The following PTPRM variants were observed in gnomAD, a reference collection of about 807,000 sequenced individuals.
PTPRM encodes receptor-type tyrosine-protein phosphatase mu.
In PTPRM, 47 loss-of-function variants were observed where a neutral mutation model predicts 186.7. The observed-to-expected ratio is 0.25, with a 90% CI of 0.20 to 0.32. PTPRM has a LOEUF of 0.32. Ranked by LOEUF, PTPRM falls within the 10% of genes least tolerant of loss-of-function variation. PTPRM has a pLI of 1.00. For synonymous variants in PTPRM, 668 were observed against 674.9 expected (o/e 0.99, Z 0.16); for missense variants, 1,494 against 1,865.0 (o/e 0.80, Z 3.66).
At chr18:7,947,068 C>T in intron 5 of PTPRM, 1 of 453,258 alleles carries the variant, frequency 2.2e-6, no homozygotes, top group Non-Finnish European at 4.4e-6. Flanking sequence ...TTATTCTGTG[C>T]TTCAGGATTA....
intron 2 of PTPRM, among the ~76,000 whole-genome samples, chr18:7,790,909 TAAAA>T (rs548803611): frequency 1.4e-5 from 2 of 147,368 alleles, no homozygotes; most frequent in Non-Finnish European, 3.0e-5. Flanking sequence ...AAGTTGGTTT[TAAAA>T]AAAAAAACAC....
At chr18:7,920,585 G>C (rs1258469195) in intron 4 of PTPRM, among the ~76,000 whole-genome samples, 3 of 152,074 alleles carry the variant, frequency 2.0e-5, no homozygotes, top group African/African-American at 7.2e-5. Flanking sequence ...TACTGTTTTT[G>C]ATAGATTTGT....
chr18:8,198,016 C>T (rs901384219), intron 14 of PTPRM, among the ~76,000 whole-genome samples: 34 of 152,166 alleles, frequency 2.2e-4, no homozygotes, highest in African/African-American at 8.0e-4. Context: ...CTTGCTCTCT[C>T]CCACCTTCTT....
At chr18:7,587,362 A>T (rs1404821684) in intron 1 of PTPRM, among the ~76,000 whole-genome samples, 1 of 151,858 alleles carries the variant, frequency 6.6e-6, no homozygotes, top group Non-Finnish European at 1.5e-5. Context: ...GATGGATAGG[A>T]TTAGCCACTT....
intron 1 of PTPRM, among the ~76,000 whole-genome samples, chr18:7,606,908 G>A (rs1279027581): frequency 6.6e-6 from 1 of 152,066 alleles, no homozygotes; most frequent in Admixed American, 6.5e-5. Flanking sequence ...TCTTGGCCAT[G>A]GATTTTCTAC....
intron 6 of PTPRM, among the ~76,000 whole-genome samples, chr18:7,950,319 A>G (rs974137065): frequency 1.3e-4 from 20 of 152,144 alleles, no homozygotes; most frequent in African/African-American, 4.8e-4. Flanking sequence ...TGGGAGGATT[A>G]CCTGAGTCCA....
chr18:8,009,184 C>T (rs772186339), intron 7 of PTPRM, among the ~76,000 whole-genome samples: 12 of 152,088 alleles, frequency 7.9e-5, no homozygotes, highest in Non-Finnish European at 1.5e-4. Flanking sequence ...ATTAACAGTG[C>T]TGTATGTAAG....
chr18:8,252,227 C>A (rs1178421320), intron 17 of PTPRM, among the ~76,000 whole-genome samples: 1 of 152,206 alleles, frequency 6.6e-6, no homozygotes, highest in Non-Finnish European at 1.5e-5. Context: ...TTAGACATTA[C>A]TTGGTTCATG....
At position 7,859,250 on chromosome 18, in the gene PTPRM, G is replaced by A. The variant is rs148792505; in HGVS notation, c.197-28856G>A. Among the ~76,000 whole-genome samples the A allele has an allele frequency of 2.9e-4, 44 of 152,242 alleles. 1 individual carries two copies. The East Asian group carries it at 8.1e-3, about 28-fold the overall frequency. The stretch of plus-strand genomic sequence containing the variant: ...TTATGTATATTAATGTATATGTTGT[G>A]CTGGACCCAGTTTATTCATCTCCCA... On this transcript the variant is annotated intron_variant, in intron 2 of 32. Coordinates refer to ENST00000580170, the MANE Select transcript of PTPRM (RefSeq NM_001105244.2).
At chr18:7,569,992 G>A (rs763361174) in intron 1 of PTPRM, among the ~76,000 whole-genome samples, 1 of 152,168 alleles carries the variant, frequency 6.6e-6, no homozygotes, top group Non-Finnish European at 1.5e-5. Context: ...TGGGTGTGGT[G>A]GCGTGTGACT....
chr18:8,160,562 T>G (rs928868410), intron 14 of PTPRM, among the ~76,000 whole-genome samples: 8 of 152,208 alleles, frequency 5.3e-5, no homozygotes, highest in African/African-American at 1.9e-4. Context: ...CCCAAAGTTC[T>G]GGGATTACAG....
chr18:8,167,285 C>T (rs746768935), intron 14 of PTPRM, among the ~76,000 whole-genome samples: 10 of 152,224 alleles, frequency 6.6e-5, no homozygotes, highest in African/African-American at 2.2e-4. Context: ...TTTCCCTCCT[C>T]CTATCTGGTA....
intron 1 of PTPRM, among the ~76,000 whole-genome samples, chr18:7,708,651 CTTCT>C (rs2040147678): frequency 1.3e-5 from 2 of 152,116 alleles, no homozygotes; most frequent in African/African-American, 2.4e-5. Flanking sequence ...AAAAAACATG[CTTCT>C]TAGTACAGAA....
chr18:7,750,580 C>T (rs533323975), intron 1 of PTPRM, among the ~76,000 whole-genome samples: 1 of 152,280 alleles, frequency 6.6e-6, no homozygotes, highest in South Asian at 2.1e-4. Flanking sequence ...TAAGACCCTC[C>T]AACGCTCCAA....
At chr18:7,646,585 T>C (rs8098371) in intron 1 of PTPRM, among the ~76,000 whole-genome samples, 144 of 152,240 alleles carry the variant, frequency 9.5e-4, no homozygotes, top group African/African-American at 3.4e-3. Flanking sequence ...AACCTCAGTA[T>C]TTGTGTGATT....
chr18:8,312,106 G>T (rs1031322462), intron 20 of PTPRM, among the ~76,000 whole-genome samples: 1 of 152,182 alleles, frequency 6.6e-6, no homozygotes, highest in African/African-American at 2.4e-5. Context: ...CCCTTCAGAG[G>T]AGCTGACGAA....
chr18:7,981,021 G>A (rs58209325), intron 7 of PTPRM, among the ~76,000 whole-genome samples: 7,954 of 152,132 alleles, frequency 0.052, 488 homozygotes, highest in African/African-American at 0.15. Context: ...AGTTCCCCTT[G>A]TTTTTCCCCA....
At chr18:7,667,418 A>G (rs777889027) in intron 1 of PTPRM, among the ~76,000 whole-genome samples, 1 of 152,206 alleles carries the variant, frequency 6.6e-6, no homozygotes, top group South Asian at 2.1e-4. Context: ...CCTCGGGCCT[A>G]TAGGTCCCAA....
chr18:8,136,939 A>G (rs1366999506), intron 13 of PTPRM, among the ~76,000 whole-genome samples: 1 of 152,232 alleles, frequency 6.6e-6, no homozygotes, highest in Non-Finnish European at 1.5e-5. Flanking sequence ...TCACACACAC[A>G]CAAAAGGAAA....
Sources: gnomAD v4.1 joint callset for allele counts (sites outside exome capture counted in the v4.1 genomes callset) on GRCh38, gnomAD v4.1.1 for gene constraint, MANE v1.5 for transcripts, NCBI Gene and HGNC (gene_info 2026-07-23, HGNC 2026-07-21) for gene names.